TLL1: variants seen among roughly 807,000 people sequenced by gnomAD.
The protein encoded by TLL1 is tolloid like 1.
A neutral mutation model predicts 128.2 loss-of-function variants in TLL1; 49 were observed. The observed-to-expected ratio is 0.38, with a 90% confidence interval of 0.30 to 0.48. The LOEUF (loss-of-function observed/expected upper bound fraction) is 0.48. TLL1 is among the 20% of genes least tolerant of loss of function. The pLI is 0.96. For missense variants in TLL1, 1,123 were observed against 1,242.0 expected, an observed-to-expected ratio of 0.90 and a Z score of 1.44; for synonymous variants, 454 against 418.8, an observed-to-expected ratio of 1.08 and a Z score of -1.03.
At chr4:166,062,162 G>C (rs1437590702) in intron 15 of TLL1, among the ~76,000 whole-genome samples, 5 of 152,128 alleles carry the variant, frequency 3.3e-5, no homozygotes, top group African/African-American at 1.2e-4. Context: ...GATGCCTCCA[G>C]CTTTGTTCTT....
intron 1 of TLL1, among the ~76,000 whole-genome samples, chr4:165,913,188 T>C (rs1436979409): frequency 6.6e-6 from 1 of 152,210 alleles, no homozygotes; most frequent in African/African-American, 2.4e-5. Context: ...ATAATTAAAG[T>C]CTTCTGTGAA....
At chr4:165,965,410 A>G (rs1392747858) in intron 1 of TLL1, among the ~76,000 whole-genome samples, 1 of 152,192 alleles carries the variant, frequency 6.6e-6, no homozygotes, top group Non-Finnish European at 1.5e-5. Flanking sequence ...CCAATATCCA[A>G]CACAAATCTG....
intron 19 of TLL1, among the ~76,000 whole-genome samples, chr4:166,097,419 A>G (rs17633816): frequency 0.35 from 53,337 of 151,930 alleles, 11,488 homozygotes; most frequent in East Asian, 0.5. Context: ...CTCATCTACC[A>G]TTTGGAAGAT....
At chr4:165,959,285 C>G (rs1734974573) in intron 1 of TLL1, among the ~76,000 whole-genome samples, 1 of 152,116 alleles carries the variant, frequency 6.6e-6, no homozygotes, top group Non-Finnish European at 1.5e-5. Flanking sequence ...GGCATTGAAT[C>G]TATAAATTAC....
At chr4:165,934,530 T>C (rs1031805518) in intron 1 of TLL1, among the ~76,000 whole-genome samples, 2 of 152,224 alleles carry the variant, frequency 1.3e-5, no homozygotes, top group Admixed American at 6.5e-5. Flanking sequence ...AAGTGGTGTT[T>C]ACAAATCAGA....
intron 1 of TLL1, among the ~76,000 whole-genome samples, chr4:165,959,525 A>G (rs1041061946): frequency 2.0e-5 from 3 of 152,270 alleles, no homozygotes; most frequent in African/African-American, 7.2e-5. Flanking sequence ...TCCTCCCAAC[A>G]ACTAAAGAAT....
At chr4:166,082,552 T>A (rs1291420285) in intron 18 of TLL1, among the ~76,000 whole-genome samples, 1 of 152,182 alleles carries the variant, frequency 6.6e-6, no homozygotes, top group Admixed American at 6.6e-5. Flanking sequence ...GTTCAAACCA[T>A]TCAATCATCT....
intron 14 of TLL1, among the ~76,000 whole-genome samples, chr4:166,058,916 C>A (rs1209746554): frequency 4.6e-5 from 7 of 152,080 alleles, no homozygotes; most frequent in African/African-American, 1.7e-4. Context: ...ATCAGAGACT[C>A]CCTGTTTCTT....
chr4:165,884,789 T>A (rs1048464816), intron 1 of TLL1, among the ~76,000 whole-genome samples: 17 of 152,076 alleles, frequency 1.1e-4, no homozygotes, highest in African/African-American at 3.9e-4. Context: ...TGAACTGAGA[T>A]TGCACCACTG....
chr4:165,887,501 A>G (rs1731215838), intron 1 of TLL1, among the ~76,000 whole-genome samples: 1 of 152,212 alleles, frequency 6.6e-6, no homozygotes, highest in Admixed American at 6.5e-5. Flanking sequence ...ACAGTGATAC[A>G]GATGAGCAAA....
Position 165,926,380 on chromosome 4 carries a change from C to T in TLL1, c.169+52307C>T, listed in dbSNP as rs192071650. 1.6e-3 allele frequency among the ~76,000 whole-genome samples: 242 copies of T among 152,222 alleles called. 3 individuals carry two copies. The highest frequency in any genetic ancestry group is 4.9e-3 in the African/African-American group (202 of 41,520). ...ATGATACTTAAATGCATTTTAAACA[C>T]GCGAGTGACTTAAAATTTGCACGAG... On this transcript the variant is annotated intron_variant, in intron 1 of 20. Transcript: ENST00000061240.
chr4:165,890,474 G>A (rs1459473741), intron 1 of TLL1, among the ~76,000 whole-genome samples: 1 of 152,196 alleles, frequency 6.6e-6, no homozygotes, highest in African/African-American at 2.4e-5. Context: ...AATATGGTGA[G>A]GGCTCAGGCA....
intron 14 of TLL1, among the ~76,000 whole-genome samples, chr4:166,059,608 T>C (rs1458795476): frequency 3.3e-5 from 5 of 152,102 alleles, no homozygotes; most frequent in African/African-American, 1.2e-4. Context: ...TTTACATGTA[T>C]ATTTTCCTTA....
At chr4:166,058,618 G>A (rs1292736263) in intron 14 of TLL1, among the ~76,000 whole-genome samples, 1 of 151,888 alleles carries the variant, frequency 6.6e-6, no homozygotes, top group African/African-American at 2.4e-5. Context: ...GCCCCATACC[G>A]CTATTACAGG....
intron 1 of TLL1, among the ~76,000 whole-genome samples, chr4:165,903,382 A>C (rs368375011): frequency 6.6e-5 from 10 of 151,812 alleles, no homozygotes; most frequent in African/African-American, 1.7e-4. Context: ...GTATACTAAA[A>C]ATTTTTCTAA....
chr4:165,955,853 TG>T (rs1315659336), intron 1 of TLL1, among the ~76,000 whole-genome samples: 1 of 152,116 alleles, frequency 6.6e-6, no homozygotes, highest in Non-Finnish European at 1.5e-5. Context: ...AATATTTCAA[TG>T]TAGGTTCTTT....
At position 165,873,827 on chromosome 4, in the gene TLL1, C is replaced by T; in HGVS notation, c.-78C>T. ...GGTGGGGAGAAGAGCACCGGTGCCC[C>T]TAGCCCCGCACATCAGCGCGGACCG... On this transcript the variant is annotated 5_prime_UTR_variant, in exon 1 of 21. Coordinates refer to ENST00000061240, the MANE Select transcript of TLL1 (RefSeq NM_012464.5). The T allele has an allele frequency of 3.2e-6, 5 of 1,563,138 alleles. No homozygotes were observed. Among genetic ancestry groups the T allele is most frequent in the Non-Finnish European group, 3.5e-6 (4 of 1,138,214 alleles).
intron 17 of TLL1, 83 bp from the exon 18 acceptor site, chr4:166,077,820 C>T: frequency 6.3e-7 from 1 of 1,588,260 alleles, no homozygotes; most frequent in South Asian, 1.1e-5. Context: ...TTCAACAGGG[C>T]AGTGGGTAAA....
chr4:165,949,105 A>G (rs1734390605), intron 1 of TLL1, among the ~76,000 whole-genome samples: 3 of 152,180 alleles, frequency 2.0e-5, no homozygotes, highest in Admixed American at 6.6e-5. Flanking sequence ...GCAAAGAATT[A>G]GAAAAATTCA....
Sources: allele counts gnomAD v4.1 joint callset (sites outside exome capture counted in the v4.1 genomes callset), GRCh38; gene constraint gnomAD v4.1.1; transcripts MANE v1.5; gene names NCBI Gene and HGNC (gene_info 2026-07-23, HGNC 2026-07-21).